The following VIP variants were observed in gnomAD, a reference collection of about 807,000 sequenced individuals.
VIP encodes the protein vasoactive intestinal peptide.
Under a neutral mutation model 20.1 loss-of-function variants are expected in VIP, and 18 were observed. The observed-to-expected ratio is 0.90, with a 90% CI of 0.62 to 1.33. The LOEUF is 1.33. Ranked by LOEUF, VIP falls within the 40% of genes most tolerant of loss-of-function variation. The pLI, the probability that VIP is intolerant of heterozygous loss-of-function variation, is 0.00. For synonymous variants in VIP, 70 were observed against 68.1 expected (o/e 1.03, Z -0.14); for missense variants, 209 against 199.4 (o/e 1.05, Z -0.29).
intron 5 of VIP, 127 bp from the exon 6 acceptor site, chr6:152,756,969 T>A: frequency 2.6e-6 from 2 of 772,122 alleles, no homozygotes. Context: ...ACCTCAAAGA[T>A]AATTGTTTAG....
intron 3 of VIP, 76 bp from the exon 4 acceptor site, chr6:152,755,193 G>A (rs2099730239): frequency 2.2e-6 from 2 of 921,474 alleles, no homozygotes; most frequent in South Asian, 2.1e-5. Flanking sequence ...TAATTTTTTT[G>A]TTATTTAATA....
intron 6 of VIP, among the ~76,000 whole-genome samples, chr6:152,757,925 A>G (rs1475725686): frequency 6.6e-6 from 1 of 151,946 alleles, no homozygotes; most frequent in African/African-American, 2.4e-5. Context: ...GCTCATAAAA[A>G]ATCTATAATA....
At position 152,759,463 on chromosome 6, in the gene VIP, C is replaced by T. The variant is rs1437871659; in HGVS notation, c.*597C>T. On this transcript the variant is annotated 3_prime_UTR_variant, in exon 7 of 7. Coordinates refer to ENST00000367244, the MANE Select transcript of VIP (RefSeq NM_003381.4). ...TATTTTTAATGGTGTTTTAAAAAAT[C>T]TCAAATTTGGATTGCTAATCACCAA... is the stretch of plus-strand genomic sequence containing the variant. 2 of 151,842 alleles carry T rather than the reference C, an allele frequency of 1.3e-5. No individual in the cohort carries two copies. Among genetic ancestry groups the T allele is most frequent in the African/African-American group, 2.4e-5 (1 of 41,356 alleles). 9.4% of individuals were successfully genotyped at this position (151,842 alleles called of 1,614,324 possible). A position where few individuals can be genotyped will look rare whatever the true frequency, so the allele number is the denominator to read the frequency against.
chr6:152,757,832 C>A (rs1035876257), intron 6 of VIP, among the ~76,000 whole-genome samples: 22 of 151,908 alleles, frequency 1.4e-4, no homozygotes, highest in African/African-American at 4.3e-4. Context: ...AAGTAATAAG[C>A]TTGCTATCAA....
chr6:152,754,342 T>C, intron 3 of VIP, 54 bp downstream of exon 3: 2 of 1,522,598 alleles, frequency 1.3e-6, no homozygotes, highest in Non-Finnish European at 1.8e-6. Flanking sequence ...AAAATGTGTT[T>C]AAGAACTATA....
At chr6:152,758,403 C>T (rs2099730737) in intron 6 of VIP, among the ~76,000 whole-genome samples, 2 of 151,934 alleles carry the variant, frequency 1.3e-5, no homozygotes, top group Admixed American at 1.3e-4. Flanking sequence ...CTTTTATAGA[C>T]ATCTCAGAGA....
chr6:152,757,704 A>G (rs2099730644), intron 6 of VIP, among the ~76,000 whole-genome samples: 1 of 151,994 alleles, frequency 6.6e-6, no homozygotes, highest in Non-Finnish European at 1.5e-5. Context: ...TCATAGAGCA[A>G]AAGTTAAATT....
intron 4 of VIP, 47 bp downstream of exon 4, chr6:152,755,420 T>C: frequency 8.5e-7 from 1 of 1,178,804 alleles, no homozygotes; most frequent in Non-Finnish European, 1.2e-6. Flanking sequence ...CATTATTCAA[T>C]CTGAATATTG....
Position 152,755,386 on chromosome 6 carries a change from T to A in VIP, c.335+13T>A. ...GAAAACGTGTTAGGTAAAGAGAATTTATTATTTTTATAAAATATGTTATCA... is the reference window on the plus strand; with the variant it reads ...GAAAACGTGTTAGGTAAAGAGAATTAATTATTTTTATAAAATATGTTATCA... On this transcript the variant is annotated intron_variant, in intron 4 of 6. Transcript: ENST00000367244. The A allele has an allele frequency of 1.4e-6, 2 of 1,393,562 alleles. No homozygotes were observed. Among genetic ancestry groups the A allele is most frequent in the Non-Finnish European group, 2.0e-6 (2 of 1,025,124 alleles). The allele number at this position is 1,393,562 out of a possible 1,614,324, so 86.3% of individuals were successfully genotyped here.
rs2099730831 is a variant in VIP, at chr6:152,759,052, T to C, written c.*186T>C. The C allele has an allele frequency of 6.6e-6, 1 of 152,456 alleles. No homozygotes were observed. Among genetic ancestry groups the C allele is most frequent in the Non-Finnish European group, 1.5e-5 (1 of 67,948 alleles). 9.4% of individuals were successfully genotyped at this position (152,456 alleles called of 1,614,324 possible). A position where few individuals can be genotyped will look rare whatever the true frequency, so the allele number is the denominator to read the frequency against. On this transcript the variant is annotated 3_prime_UTR_variant, in exon 7 of 7. Transcript: ENST00000367244. The stretch of plus-strand genomic sequence containing the variant: ...TGTATTCTAGCTAATGTAATAACTG[T>C]GAAGTTTACATTGTAAATAGTATTT...
intron 6 of VIP, 102 bp downstream of exon 6, chr6:152,757,286 T>C (rs574096269): frequency 1.4e-6 from 1 of 736,558 alleles, no homozygotes; most frequent in African/African-American, 1.8e-5. Context: ...TTAAATAGTT[T>C]CTCATCATGA....
At chr6:152,751,278 T>A (rs2099729589) in intron 1 of VIP, among the ~76,000 whole-genome samples, 1 of 152,130 alleles carries the variant, frequency 6.6e-6, no homozygotes, top group South Asian at 2.1e-4. Context: ...AGTGGGAACA[T>A]TTGCTTTTGA....
chr6:152,756,244 C>A lies in VIP; in HGVS notation c.446C>A (p.Ser149Ter). The change falls in exon 5 of 7, where the codon TCA (serine) becomes TAA (stop). Residue 149 changes from serine to a stop codon, truncating the protein, a stop_gained. Transcript: ENST00000367244. LOFTEE classifies it high-confidence loss of function. The stretch of plus-strand genomic sequence containing the variant: ...ATGGCTGTAAAGAAATATTTGAACT[C>A]AATTCTGAATGGAAAGAGGAGGTAA... ...KQMAVKKYLNSILNGKRSSEG... is the reference protein window; with the variant it reads ...KQMAVKKYLN The A allele has an allele frequency of 2.5e-6, 4 of 1,610,138 alleles. No homozygotes were observed. Among genetic ancestry groups the A allele is most frequent in the Non-Finnish European group, 3.4e-6 (4 of 1,177,816 alleles).
In VIP at chr6:152,754,217, A is replaced by G. The variant is rs1309035253; in HGVS notation, c.159A>G (p.Ser53=). ...FEGANEPDQV[S]LKEDIDMLQN... is the part of the protein sequence containing the mutation. ...GAGCAAATGAACCTGATCAAGTTTCATTAAAAGAAGACATTGACATGTTGC... is the reference window on the plus strand; with the variant it reads ...GAGCAAATGAACCTGATCAAGTTTCGTTAAAAGAAGACATTGACATGTTGC... Residue 53 remains serine, a synonymous_variant, in exon 3 of 7, where the codon TCA becomes TCG. Transcript: ENST00000367244. The G allele has an allele frequency of 3.1e-6, 5 of 1,611,964 alleles. No individual in the cohort carries two copies. Among genetic ancestry groups the G allele is most frequent in the Middle Eastern group, 3.3e-4 (2 of 6,060 alleles).
At chr6:152,752,079 G>A (rs1457899594) in intron 1 of VIP, 89 bp from the exon 2 acceptor site, 5 of 830,750 alleles carry the variant, frequency 6.0e-6, no homozygotes, top group Non-Finnish European at 9.8e-6. Flanking sequence ...AACTCTGCAA[G>A]AGCCATTGAA....
chr6:152,754,834 A>T (rs1313874692), intron 3 of VIP, among the ~76,000 whole-genome samples: 2 of 151,978 alleles, frequency 1.3e-5, no homozygotes, highest in African/African-American at 4.8e-5. Flanking sequence ...AAAAGAAAAA[A>T]AAAGGTGTAC....
chr6:152,757,046 C>G (rs2099730529), intron 5 of VIP, 50 bp from the exon 6 acceptor site: 1 of 1,578,452 alleles, frequency 6.3e-7, no homozygotes, highest in Non-Finnish European at 8.7e-7. Context: ...TTCTTTAGAC[C>G]CTTTCTCATC....
Position 152,756,398 on chromosome 6 carries a change from A to G in VIP, c.467+133A>G, listed in dbSNP as rs547860908. On this transcript the variant is annotated intron_variant, in intron 5 of 6. Coordinates refer to ENST00000367244, the MANE Select transcript of VIP (RefSeq NM_003381.4). ...GCAGTGATTTTCAACCTTGGCTGAC[A>G]TTAGACTACCCCGCAGAACTTTAAA... The G allele has an allele frequency of 4.5e-5, 47 of 1,047,164 alleles. No individual in the cohort carries two copies. In the East Asian group the frequency reaches 1.0e-3, roughly 23 times the overall value. 64.9% of individuals were successfully genotyped at this position (1,047,164 alleles called of 1,614,324 possible).
Position 152,759,587 on chromosome 6 carries a change from A to G in VIP, c.*721A>G, listed in dbSNP as rs932405645. The G allele has an allele frequency of 2.0e-5, 3 of 151,920 alleles. No homozygotes were observed. Among genetic ancestry groups the G allele is most frequent in the African/African-American group, 7.3e-5 (3 of 41,378 alleles). 9.4% of individuals were successfully genotyped at this position (151,920 alleles called of 1,614,324 possible). On this transcript the variant is annotated 3_prime_UTR_variant, in exon 7 of 7. Coordinates refer to ENST00000367244, the MANE Select transcript of VIP (RefSeq NM_003381.4). The stretch of plus-strand genomic sequence containing the variant: ...TGTGTTAAGTATGTGTAAAATGTGA[A>G]GTGAATGAAACACTCAGTTGTTCAA...
Sources: allele counts gnomAD v4.1 joint callset (sites outside exome capture counted in the v4.1 genomes callset), GRCh38; gene constraint gnomAD v4.1.1; transcripts MANE v1.5; gene names NCBI Gene and HGNC (gene_info 2026-07-23, HGNC 2026-07-21).